The following KIAA1217 variants were observed in gnomAD, a reference collection of about 807,000 sequenced individuals.
KIAA1217 encodes KIAA1217, also known as sickle tail protein homolog.
KIAA1217 carries 88 observed loss-of-function variants against 163.9 expected under a neutral mutation model. The ratio of observed to expected loss-of-function variants is 0.54; its 90% CI spans 0.45 to 0.64. KIAA1217 has a LOEUF of 0.64. Ranked by LOEUF, KIAA1217 falls within the 30% of genes least tolerant of loss-of-function variation. KIAA1217 has a pLI of 0.00. For missense variants in KIAA1217, 2,372 were observed against 2,475.0 expected (o/e 0.96, Z 0.88); for synonymous variants, 903 against 923.1 (o/e 0.98, Z 0.39).
At chr10:23,734,086 T>C (rs1315933389) in intron 1 of KIAA1217, among the ~76,000 whole-genome samples, 1 of 152,128 alleles carries the variant, frequency 6.6e-6, no homozygotes, top group East Asian at 1.9e-4. Context: ...TTTATTATTA[T>C]AATGCCAACT....
chr10:24,393,028 C>A (rs1007177101), intron 3 of KIAA1217, among the ~76,000 whole-genome samples: 2 of 151,984 alleles, frequency 1.3e-5, no homozygotes, highest in African/African-American at 2.4e-5. Flanking sequence ...TAACTCGATA[C>A]AAGTTCCCCA....
Position 23,934,575 on chromosome 10 carries a change from A to ATGTGTGTGTGTGTGTATG in KIAA1217, c.-320-72649_-320-72648insGTGTGTGTGTGTGTATGT, listed in dbSNP as rs1420302818. 3.4e-3 allele frequency among the ~76,000 whole-genome samples: 226 copies of ATGTGTGTGTGTGTGTATG among 65,916 alleles called. 18 individuals carry two copies. Among genetic ancestry groups the ATGTGTGTGTGTGTGTATG allele is most frequent in the African/African-American group, 0.014 (109 of 7,808 alleles). 43.2% of individuals were successfully genotyped at this position (65,916 alleles called of 152,430 possible). A position where few individuals can be genotyped will look rare whatever the true frequency, so the allele number is the denominator to read the frequency against. On this transcript the variant is annotated intron_variant, in intron 1 of 18. Transcript: ENST00000376462. The stretch of plus-strand genomic sequence containing the variant: ...CTTTAAAGTATATATATATATATAT[A>ATGTGTGTGTGTGTGTATG]TATATATATATATATGTATATATAT...
At position 24,533,324 on chromosome 10, in the gene KIAA1217, G is replaced by A. The variant is rs543417363; in HGVS notation, c.3414+87G>A. ...GCACTCACAGATTTGTTAGCGAGAA[G>A]GCCAGGGAAGCGCATGGACCGGGAC... On this transcript the variant is annotated intron_variant, in intron 16 of 20. Coordinates refer to ENST00000376454, the MANE Select transcript of KIAA1217 (RefSeq NM_019590.5). 29 of 1,357,080 alleles carry A rather than the reference G, an allele frequency of 2.1e-5. 1 individual carries two copies. The South Asian group carries it at 3.7e-4, about 17-fold the overall frequency. The allele number at this position is 1,357,080 out of a possible 1,614,324, so 84.1% of individuals were successfully genotyped here. A position where few individuals can be genotyped will look rare whatever the true frequency, so the allele number is the denominator to read the frequency against.
intron 3 of KIAA1217, among the ~76,000 whole-genome samples, chr10:24,388,843 A>G (rs1591527605): frequency 7.1e-6 from 1 of 141,726 alleles, no homozygotes; most frequent in Non-Finnish European, 1.5e-5. Flanking sequence ...ATGCAAATCA[A>G]TCCACAATGA....
rs150514618 is a variant in KIAA1217, at chr10:23,892,887, C to G, written c.-320-114338C>G. Among the ~76,000 whole-genome samples, 702 of 151,990 alleles carry G rather than the reference C, an allele frequency of 4.6e-3. 3 individuals are homozygous for G. Among genetic ancestry groups the G allele is most frequent in the African/African-American group, 0.016 (674 of 41,530 alleles). The stretch of plus-strand genomic sequence containing the variant: ...TAAAGGAAATGGGGTCCCCATTCTT[C>G]CTGGCTGCCTTATGGTGCGGAAAAC... On this transcript the variant is annotated intron_variant, in intron 1 of 18. Transcript: ENST00000376462.
At chr10:23,811,860 T>G (rs1050623248) in intron 1 of KIAA1217, among the ~76,000 whole-genome samples, 2 of 152,036 alleles carry the variant, frequency 1.3e-5, no homozygotes, top group African/African-American at 4.8e-5. Context: ...CTTTCTGAGA[T>G]GTGGAAATAG....
At chr10:23,857,131 C>G (rs954735391) in intron 1 of KIAA1217, among the ~76,000 whole-genome samples, 3 of 152,246 alleles carry the variant, frequency 2.0e-5, no homozygotes, top group African/African-American at 7.2e-5. Flanking sequence ...TAGACTGGAG[C>G]TGTTCCTATT....
At chr10:24,366,884 C>T (rs983684764) in intron 2 of KIAA1217, among the ~76,000 whole-genome samples, 1 of 152,200 alleles carries the variant, frequency 6.6e-6, no homozygotes, top group Non-Finnish European at 1.5e-5. Context: ...TCAGAAGCGC[C>T]TATGGCAGGG....
intron 3 of KIAA1217, among the ~76,000 whole-genome samples, chr10:24,428,160 C>T (rs2059319007): frequency 6.6e-6 from 1 of 152,188 alleles, no homozygotes; most frequent in African/African-American, 2.4e-5. Flanking sequence ...GGCTGTGATA[C>T]TTAACTGTAG....
chr10:23,936,102 C>T (rs957705056), intron 1 of KIAA1217, among the ~76,000 whole-genome samples: 2 of 152,142 alleles, frequency 1.3e-5, no homozygotes, highest in African/African-American at 4.8e-5. Context: ...TGTTAAAGCA[C>T]ACAACAACAC....
At chr10:23,912,425 C>G (rs1842472970) in intron 1 of KIAA1217, among the ~76,000 whole-genome samples, 1 of 151,160 alleles carries the variant, frequency 6.6e-6, no homozygotes, top group Admixed American at 6.6e-5. Context: ...TTTTGGTGTA[C>G]CCATCATCTA....
intron 2 of KIAA1217, among the ~76,000 whole-genome samples, chr10:24,128,990 A>G (rs2063559921): frequency 6.6e-6 from 1 of 152,230 alleles, no homozygotes; most frequent in African/African-American, 2.4e-5. Flanking sequence ...GTTTAGTCGG[A>G]GTGCATTTCC....
chr10:23,965,285 G>A (rs1845012238), intron 1 of KIAA1217, among the ~76,000 whole-genome samples: 1 of 152,250 alleles, frequency 6.6e-6, no homozygotes, highest in Non-Finnish European at 1.5e-5. Flanking sequence ...CTCTGGGAAA[G>A]CGTGACCTGC....
intron 2 of KIAA1217, among the ~76,000 whole-genome samples, chr10:24,175,835 C>T (rs1407789309): frequency 6.6e-6 from 1 of 152,122 alleles, no homozygotes; most frequent in Non-Finnish European, 1.5e-5. Context: ...CAGACTTGTT[C>T]ATGCCTCCCA....
At chr10:23,752,870 A>G (rs968959011) in intron 1 of KIAA1217, among the ~76,000 whole-genome samples, 2 of 152,188 alleles carry the variant, frequency 1.3e-5, no homozygotes, top group Non-Finnish European at 2.9e-5. Context: ...GCCCTGTGCT[A>G]AGCTACACAT....
At chr10:24,115,517 ACACTTGTTT>A in intron 2 of KIAA1217, among the ~76,000 whole-genome samples, 1 of 152,268 alleles carries the variant, frequency 6.6e-6, no homozygotes, top group South Asian at 2.1e-4. Context: ...ACATGATCTC[ACACTTGTTT>A]ACAGGTTATT....
At chr10:23,872,336 A>G (rs1181259690) in intron 1 of KIAA1217, among the ~76,000 whole-genome samples, 1 of 152,064 alleles carries the variant, frequency 6.6e-6, no homozygotes, top group African/African-American at 2.4e-5. Context: ...AGAAGTTTAA[A>G]CATTACTGCT....
At chr10:24,485,106 T>A (rs1165494047) in intron 6 of KIAA1217, among the ~76,000 whole-genome samples, 5 of 146,382 alleles carry the variant, frequency 3.4e-5, no homozygotes, top group African/African-American at 5.0e-5. Flanking sequence ...TTTTTTTTTT[T>A]AATAGCTTCA....
intron 1 of KIAA1217, among the ~76,000 whole-genome samples, chr10:23,713,365 T>C (rs1191959010): frequency 6.6e-6 from 1 of 152,166 alleles, no homozygotes; most frequent in African/African-American, 2.4e-5. Flanking sequence ...CATTTCAGTT[T>C]TATCATCAGA....
Sources: gnomAD v4.1 joint callset for allele counts (sites outside exome capture counted in the v4.1 genomes callset) on GRCh38, gnomAD v4.1.1 for gene constraint, MANE v1.5 for transcripts, NCBI Gene and HGNC (gene_info 2026-07-23, HGNC 2026-07-21) for gene names.